The following RAD52 variants were observed in gnomAD, a reference collection of about 807,000 sequenced individuals.
RAD52 encodes RAD52 DNA repair protein.
In RAD52, 47 loss-of-function variants were observed where a neutral mutation model predicts 55.5. The observed-to-expected ratio is 0.85, with a 90% CI of 0.67 to 1.08. The LOEUF (loss-of-function observed/expected upper bound fraction) is 1.08. Among genes scored for constraint, RAD52 ranks in the 50% least tolerant of loss-of-function variants. RAD52 has a pLI of 0.00. For missense variants in RAD52, 468 were observed against 522.8 expected (o/e 0.90, Z 1.02); for synonymous variants, 184 against 198.9 (o/e 0.92, Z 0.63).
chr12:951,853 C>A (rs750880491), upstream of RAD52, among the ~76,000 whole-genome samples: 16 of 152,048 alleles, frequency 1.1e-4, no homozygotes, highest in Non-Finnish European at 1.9e-4. Context: ...TCTAAGAACT[C>A]CTTTAGCTGA....
In RAD52 at chr12:911,982, C is replaced by T. The variant is rs1956115678; in HGVS notation, c.*1409G>A. On this transcript the variant is annotated 3_prime_UTR_variant, in exon 12 of 12. Coordinates refer to ENST00000358495, the MANE Select transcript of RAD52 (RefSeq NM_134424.4). ...GAGGCTGCAATGAGTCAAGATGGCA[C>T]CGCTGCACTCCAGCCTGCGCTACAG... 5.1e-6 allele frequency: 1 copy of T among 196,440 alleles called. No homozygotes were observed. The highest frequency in any genetic ancestry group is 6.1e-5 in the Admixed American group (1 of 16,390). 12.2% of individuals were successfully genotyped at this position (196,440 alleles called of 1,614,324 possible).
At chr12:987,120 G>A (rs1325147918) in intron 1 of RAD52, among the ~76,000 whole-genome samples, 4 of 151,996 alleles carry the variant, frequency 2.6e-5, no homozygotes, top group Non-Finnish European at 4.4e-5. Flanking sequence ...ACAGGTGCCC[G>A]CCATCATGCC....
At position 958,572 on chromosome 12, in the gene RAD52, C is replaced by T. The variant is rs1012879456; in HGVS notation, c.-18-25496G>A. 3.3e-5 allele frequency among the ~76,000 whole-genome samples: 5 copies of T among 152,212 alleles called. No homozygotes were observed. The East Asian group carries it at 9.6e-4, about 29-fold the overall frequency. ...GAAGAAAACATAGCCTCACCTCTCACTGGGAGACTGTTGAAGTCATGTGAA... is the reference window on the plus strand; with the variant it reads ...GAAGAAAACATAGCCTCACCTCTCATTGGGAGACTGTTGAAGTCATGTGAA... On this transcript the variant is annotated intron_variant, in intron 1 of 11. Transcript: ENST00000430095.
At chr12:954,031 C>T (rs575436719), upstream of RAD52, among the ~76,000 whole-genome samples, 204 of 152,224 alleles carry the variant, frequency 1.3e-3, no homozygotes, top group Admixed American at 2.8e-3. Context: ...TCACAACTTT[C>T]GGCAGTGTAA....
rs762855365 is a variant in RAD52 at position 931,290 on chromosome 12, A to T, written c.116T>A (p.Ile39Asn). The T allele has an allele frequency of 6.2e-7, 1 of 1,611,988 alleles. No homozygotes were observed. Among genetic ancestry groups the T allele is most frequent in the Middle Eastern group, 1.7e-4 (1 of 6,054 alleles). ...CQYTAEEYQAIQKALRQRLGP... is the reference protein window; with the variant it reads ...CQYTAEEYQANQKALRQRLGP... ...CAGCCTCTGCCTCAGGGCCTTCTGGATGGCCTGGTACTCTTCTGCTGTGTA... is the reference window on the plus strand; with the variant it reads ...CAGCCTCTGCCTCAGGGCCTTCTGGTTGGCCTGGTACTCTTCTGCTGTGTA... The change falls in exon 3 of 12, where the codon ATC becomes AAC. Residue 39 changes from isoleucine (I) to asparagine (N), a missense_variant. By Grantham distance (149) the Ile-to-Asn change is moderately radical. Coordinates refer to ENST00000358495, the MANE Select transcript of RAD52 (RefSeq NM_134424.4).
At chr12:988,431 C>T (rs1195010714) in intron 1 of RAD52, among the ~76,000 whole-genome samples, 1 of 152,118 alleles carries the variant, frequency 6.6e-6, no homozygotes, top group African/African-American at 2.4e-5. Context: ...GTTGTCTGTT[C>T]ATACGTATGA....
intron 7 of RAD52, among the ~76,000 whole-genome samples, chr12:919,497 G>C (rs1956592882): frequency 6.6e-6 from 1 of 151,710 alleles, no homozygotes. Flanking sequence ...TGTAATCCCA[G>C]AACTTTGGGA....
chr12:948,814 C>T (rs953565639), intron 1 of RAD52, among the ~76,000 whole-genome samples: 1 of 152,004 alleles, frequency 6.6e-6, no homozygotes, highest in Admixed American at 6.6e-5. Flanking sequence ...ATTCTCATGC[C>T]TCCGCCTCCC....
intron 1 of RAD52, among the ~76,000 whole-genome samples, chr12:964,130 G>A (rs1958724814): frequency 6.6e-6 from 1 of 152,154 alleles, no homozygotes; most frequent in Non-Finnish European, 1.5e-5. Context: ...AAGGCATTTA[G>A]GCGATGTGAC....
intron 1 of RAD52, among the ~76,000 whole-genome samples, chr12:934,988 G>A (rs900683335): frequency 2.6e-5 from 4 of 152,016 alleles, no homozygotes; most frequent in Non-Finnish European, 4.4e-5. Context: ...GGTGGCAGGC[G>A]CCTGTAGTCC....
chr12:978,352 C>T (rs766498801), intron 1 of RAD52, among the ~76,000 whole-genome samples: 3 of 152,110 alleles, frequency 2.0e-5, no homozygotes, highest in Non-Finnish European at 2.9e-5. Context: ...CACGCCCGGC[C>T]GTTTGTAGTT....
chr12:917,284 G>A (rs890603761), intron 7 of RAD52, among the ~76,000 whole-genome samples: 3 of 152,178 alleles, frequency 2.0e-5, no homozygotes, highest in African/African-American at 7.2e-5. Context: ...TGGGAGGCAC[G>A]GACGCCGGCT....
At chr12:916,583 CAG>C (rs1410882942) in intron 8 of RAD52, 54 bp downstream of exon 8, 4 of 1,596,004 alleles carry the variant, frequency 2.5e-6, no homozygotes, top group Non-Finnish European at 3.4e-6. Context: ...TGAGTGGAGG[CAG>C]CCCCGTGACA....
intron 1 of RAD52, among the ~76,000 whole-genome samples, chr12:970,562 C>T (rs1958832438): frequency 6.6e-6 from 1 of 152,080 alleles, no homozygotes; most frequent in South Asian, 2.1e-4. Context: ...AAAGTTTGGC[C>T]TATTAGGAAT....
intron 1 of RAD52, among the ~76,000 whole-genome samples, chr12:945,915 CG>C (rs1958197938): frequency 6.6e-6 from 1 of 151,628 alleles, no homozygotes; most frequent in African/African-American, 2.4e-5. Flanking sequence ...CCCAGCTACT[CG>C]GGAGGTTGAG....
In RAD52 at chr12:935,784, C is replaced by T. The variant is rs577874325; in HGVS notation, c.-18-2708G>A. On this transcript the variant is annotated intron_variant, in intron 1 of 11. Coordinates refer to ENST00000358495, the MANE Select transcript of RAD52 (RefSeq NM_134424.4). ...AAGAGAATCGCTTGAACCCGGAAGG[C>T]GGAGGTTGCAGTGAGCCGAGATTGC... 7.3e-5 allele frequency among the ~76,000 whole-genome samples: 11 copies of T among 151,398 alleles called. No individual in the cohort carries two copies. In the South Asian group the frequency reaches 1.3e-3, roughly 17 times the overall value.
At chr12:927,027 T>C in intron 6 of RAD52, 118 bp downstream of exon 6, 22 of 1,525,888 alleles carry the variant, frequency 1.4e-5, no homozygotes, top group Non-Finnish European at 2.0e-5. Context: ...AGAATTACCT[T>C]CCACGCTGCT....
upstream of RAD52, chr12:991,072 C>T (rs1320530220): frequency 2.0e-5 from 3 of 151,492 alleles, no homozygotes; most frequent in Non-Finnish European, 4.4e-5. Context: ...GGAAGGCGCC[C>T]GGAGGCCCCC....
upstream of RAD52, chr12:990,675 G>A (rs1228404646): frequency 6.6e-6 from 1 of 152,228 alleles, no homozygotes; most frequent in Non-Finnish European, 1.5e-5. Flanking sequence ...GAAGCTAAGG[G>A]GCAAAAAACC....
Sources: gnomAD v4.1 joint callset for allele counts (sites outside exome capture counted in the v4.1 genomes callset) on GRCh38, gnomAD v4.1.1 for gene constraint, MANE v1.5 for transcripts, NCBI Gene and HGNC (gene_info 2026-07-23, HGNC 2026-07-21) for gene names.